Variants in SLCO4C1 observed in about 807,000 individuals in gnomAD.
SLCO4C1 encodes the protein organic anion transporter M1.
Under a neutral mutation model 72.1 loss-of-function variants are expected in SLCO4C1, and 58 were observed. That is an observed-to-expected ratio of 0.80 (90% CI 0.65 to 1.00). SLCO4C1 has a LOEUF of 1.00. Among genes scored for constraint, SLCO4C1 ranks in the 50% least tolerant of loss-of-function variants. SLCO4C1 has a pLI of 0.00. For synonymous variants in SLCO4C1, 297 were observed against 312.5 expected, an observed-to-expected ratio of 0.95 and a Z score of 0.52; for missense variants, 898 against 857.9, an observed-to-expected ratio of 1.05 and a Z score of -0.58.
chr5:102,282,199 C>T (rs1749370529), intron 2 of SLCO4C1, among the ~76,000 whole-genome samples: 1 of 151,904 alleles, frequency 6.6e-6, no homozygotes, highest in Admixed American at 6.6e-5. Context: ...AACCTTTAAA[C>T]ATAGAAATGT....
In SLCO4C1 at chr5:102,239,285, A is replaced by T. The variant is rs775972213; in HGVS notation, c.1980T>A (p.Asp660Glu). 6 of 1,600,814 alleles carry T rather than the reference A, an allele frequency of 3.7e-6. No homozygotes were observed. The highest frequency in any genetic ancestry group is 1.7e-4 in the Middle Eastern group (1 of 6,018). Reference sequence around the variant, plus strand: ...CTAGCATATGGGCCATCTTGATGTTATCATAAATCCAGCAAGCTCCTTTAA... The same window carrying T: ...CTAGCATATGGGCCATCTTGATGTTTTCATAAATCCAGCAAGCTCCTTTAA... The part of the protein sequence containing the change: ...CGIKGACWIY[D>E]NIKMAHMLVA... Residue 660 changes from aspartate (D) to glutamate (E), a missense_variant, in exon 12 of 13, where the codon GAT (aspartate) becomes GAA (glutamate). Asp to Glu is a conservative substitution (Grantham distance 45). Transcript: ENST00000310954.
At chr5:102,268,665 C>T (rs1010177295) in intron 3 of SLCO4C1, among the ~76,000 whole-genome samples, 5 of 152,084 alleles carry the variant, frequency 3.3e-5, no homozygotes, top group African/African-American at 1.2e-4. Context: ...CTTCCTCTCT[C>T]GTTCATCTTA....
chr5:102,263,540 T>C, intron 4 of SLCO4C1, 144 bp downstream of exon 4: 1 of 580,618 alleles, frequency 1.7e-6, no homozygotes, highest in Middle Eastern at 3.9e-4. Flanking sequence ...AGATATTATA[T>C]AAGAATTCTT....
chr5:102,276,565 G>A (rs975967548), intron 2 of SLCO4C1, among the ~76,000 whole-genome samples: 5 of 152,036 alleles, frequency 3.3e-5, no homozygotes, highest in Non-Finnish European at 5.9e-5. Context: ...GTATTTTACC[G>A]TCTTTTACAA....
intron 8 of SLCO4C1, among the ~76,000 whole-genome samples, chr5:102,254,643 C>CA (rs1748800240): frequency 6.6e-6 from 1 of 152,046 alleles, no homozygotes; most frequent in Non-Finnish European, 1.5e-5. Context: ...TCTCTACCAG[C>CA]AAAAAAATTA....
chr5:102,246,834 T>C (rs1453485941), intron 10 of SLCO4C1, among the ~76,000 whole-genome samples: 1 of 152,062 alleles, frequency 6.6e-6, no homozygotes, highest in Non-Finnish European at 1.5e-5. Flanking sequence ...ACACAGGTAA[T>C]AGCCAGTTTC....
intron 9 of SLCO4C1, 64 bp downstream of exon 9, chr5:102,249,574 G>C (rs905188754): frequency 4.5e-6 from 7 of 1,564,490 alleles, no homozygotes; most frequent in Non-Finnish European, 6.1e-6. Context: ...AACCCCATTA[G>C]AGAAGTCAAG....
In SLCO4C1 at chr5:102,261,922, T is replaced by A; in HGVS notation, c.1011A>T (p.Lys337Asn). Residue 337 changes from lysine (K) to asparagine (N), a missense_variant, in exon 5 of 13, where the codon AAA becomes AAT. Lys to Asn is a moderately conservative substitution (Grantham distance 94, BLOSUM62 0). Coordinates refer to ENST00000310954, the MANE Select transcript of SLCO4C1 (RefSeq NM_180991.5). The stretch of plus-strand genomic sequence containing the variant: ...AGAAAGCATGTTTACCTGGTAAATG[T>A]TTTGGAAAGCAAGAAAAAGGTATTA... ...SLIIPFSCFP[K>N]HLPGTAEIQA... is the part of the protein sequence containing the mutation. 6.2e-7 allele frequency: 1 copy of A among 1,610,916 alleles called. No individual in the cohort carries two copies. The highest frequency in any genetic ancestry group is 8.5e-7 in the Non-Finnish European group (1 of 1,178,622).
chr5:102,240,304 C>A (rs533947663), intron 11 of SLCO4C1, among the ~76,000 whole-genome samples: 111 of 152,150 alleles, frequency 7.3e-4, no homozygotes, highest in East Asian at 1.9e-4. Context: ...GGTACAAATT[C>A]TTTCTTCCAA....
chr5:102,243,462 G>A (rs182912037), intron 10 of SLCO4C1, among the ~76,000 whole-genome samples: 1 of 152,338 alleles, frequency 6.6e-6, no homozygotes, highest in East Asian at 1.9e-4. Context: ...AGAGGTGTTT[G>A]CATCACTCCA....
intron 2 of SLCO4C1, among the ~76,000 whole-genome samples, chr5:102,285,280 T>C (rs1415122041): frequency 6.6e-6 from 1 of 151,118 alleles, no homozygotes; most frequent in Non-Finnish European, 1.5e-5. Flanking sequence ...CACATATATA[T>C]TTTTTTTTGT....
chr5:102,257,353 T>C (rs774046147), intron 7 of SLCO4C1, 43 bp from the exon 8 acceptor site: 1 of 1,455,022 alleles, frequency 6.9e-7, no homozygotes, highest in Non-Finnish European at 9.2e-7. Flanking sequence ...ACCATACACA[T>C]ATACTCACTC....
chr5:102,293,000 T>C lies in SLCO4C1; in HGVS notation c.356-1394A>G, dbSNP rs932693849. ...TTTTCATTCAATACCAGAATGAGTA[T>C]ATACATACAAGTCATGATCTCCACA... On this transcript the variant is annotated intron_variant, in intron 1 of 12. Transcript: ENST00000310954. Among the ~76,000 whole-genome samples the C allele has an allele frequency of 4.6e-5, 7 of 152,192 alleles. No homozygotes were observed. The South Asian group carries it at 6.2e-4, about 14-fold the overall frequency.
chr5:102,257,345 C>T, intron 7 of SLCO4C1, 35 bp from the exon 8 acceptor site: 1 of 1,516,432 alleles, frequency 6.6e-7, no homozygotes, highest in Non-Finnish European at 8.9e-7. Context: ...TGTGAGAAAC[C>T]ATACACATAT....
At chr5:102,287,043 C>T (rs1166975914) in intron 2 of SLCO4C1, among the ~76,000 whole-genome samples, 2 of 152,204 alleles carry the variant, frequency 1.3e-5, no homozygotes, top group African/African-American at 4.8e-5. Context: ...TCCTCACTGT[C>T]CATCTTAAAT....
chr5:102,245,622 T>C (rs191512879), intron 10 of SLCO4C1, among the ~76,000 whole-genome samples: 16 of 152,258 alleles, frequency 1.1e-4, no homozygotes, highest in African/African-American at 2.9e-4. Context: ...ATGCTTTGCA[T>C]TGGACAGATT....
Position 102,247,341 on chromosome 5 carries a change from A to C in SLCO4C1, c.1722T>G (p.Cys574Trp), listed in dbSNP as rs1198506966. Residue 574 changes from cysteine to tryptophan, a missense_variant, in exon 10 of 13, where the codon TGT becomes TGG. Coordinates refer to ENST00000310954, the MANE Select transcript of SLCO4C1 (RefSeq NM_180991.5). ...TGCAAAGGAATATGGGCAGTTTCGCACAATGAGTTTCACATTTTCCAGCTT... is the reference window on the plus strand; with the variant it reads ...TGCAAAGGAATATGGGCAGTTTCGCCCAATGAGTTTCACATTTTCCAGCTT... The part of the protein sequence containing the change: ...EAKAGKCETH[C>W]AKLPIFLCIF... The C allele has an allele frequency of 6.2e-7, 1 of 1,601,836 alleles. No homozygotes were observed. The highest frequency in any genetic ancestry group is 1.7e-5 in the Admixed American group (1 of 59,852).
intron 2 of SLCO4C1, among the ~76,000 whole-genome samples, chr5:102,271,841 A>T (rs2112377319): frequency 6.6e-6 from 1 of 152,276 alleles, no homozygotes; most frequent in South Asian, 2.1e-4. Context: ...GTGGATAAAC[A>T]TATACACACA....
intron 2 of SLCO4C1, 137 bp downstream of exon 2, chr5:102,291,206 C>G (rs1156814479): frequency 1.4e-5 from 12 of 885,400 alleles, no homozygotes; most frequent in Non-Finnish European, 1.9e-5. Context: ...ACAGTTCACA[C>G]AATGAACAAA....
Sources: gnomAD v4.1 joint callset for allele counts (sites outside exome capture counted in the v4.1 genomes callset) on GRCh38, gnomAD v4.1.1 for gene constraint, MANE v1.5 for transcripts, NCBI Gene and HGNC (gene_info 2026-07-23, HGNC 2026-07-21) for gene names.